The following ATG2B variants were observed in gnomAD, a reference collection of about 807,000 sequenced individuals.
ATG2B encodes the protein autophagy related 2B, also known as autophagy-related protein 2 homolog B.
Under a neutral mutation model 241.3 loss-of-function variants are expected in ATG2B, and 121 were observed. The ratio of observed to expected loss-of-function variants is 0.50; its 90% CI spans 0.43 to 0.58. The LOEUF (loss-of-function observed/expected upper bound fraction) is 0.58, where lower values mean the gene tolerates loss of function less well. Among genes scored for constraint, ATG2B ranks in the 20% least tolerant of loss-of-function variants. The probability of loss-of-function intolerance (pLI) is 0.00; values close to 1 mark genes in which losing one functional copy is unlikely to be tolerated. For missense variants in ATG2B, 2,306 were observed against 2,491.6 expected (o/e 0.93, Z 1.59); for synonymous variants, 858 against 876.6 (o/e 0.98, Z 0.37).
chr14:96,314,743 C>T (rs1435576420), intron 23 of ATG2B, among the ~76,000 whole-genome samples: 2 of 152,194 alleles, frequency 1.3e-5, no homozygotes, highest in Non-Finnish European at 2.9e-5. Flanking sequence ...CTCTTGTCGC[C>T]AGACTGGAGT....
At chr14:96,359,401 C>A (rs913797996) in intron 1 of ATG2B, among the ~76,000 whole-genome samples, 4 of 151,982 alleles carry the variant, frequency 2.6e-5, no homozygotes, top group Non-Finnish European at 5.9e-5. Flanking sequence ...AATAAAAGGC[C>A]TCAGTGTAAT....
intron 1 of ATG2B, 137 bp from the exon 2 acceptor site, chr14:96,347,478 C>T (rs1428637114): frequency 8.6e-6 from 5 of 580,156 alleles, no homozygotes; most frequent in African/African-American, 1.8e-5. Context: ...CAAGTACAGG[C>T]AATCAAAGCA....
intron 21 of ATG2B, among the ~76,000 whole-genome samples, chr14:96,315,941 A>G (rs1887298554): frequency 1.3e-5 from 2 of 152,376 alleles, no homozygotes; most frequent in South Asian, 4.1e-4. Flanking sequence ...TAAAGAACAT[A>G]TAGTCCCATC....
In ATG2B at chr14:96,332,214, G is replaced by GA. The variant is rs67341952; in HGVS notation, c.1468+90dup. ...TGAACTTTGTAAATGGCCAAGACCA[G>GA]AAAAAAAAAAAAAAGAAAGAAAAGC... is the stretch of plus-strand genomic sequence containing the variant. On this transcript the variant is annotated intron_variant, in intron 10 of 41. Coordinates refer to ENST00000359933, the MANE Select transcript of ATG2B (RefSeq NM_018036.7). 142,911 of 791,008 alleles carry GA rather than the reference G, an allele frequency of 0.18. 201 individuals are homozygous for GA. Among genetic ancestry groups the GA allele is most frequent in the East Asian group, 0.2 (6,416 of 31,656 alleles). 49.0% of individuals were successfully genotyped at this position (791,008 alleles called of 1,614,324 possible).
At chr14:96,308,195 T>A in intron 29 of ATG2B, among the ~76,000 whole-genome samples, 1 of 134,340 alleles carries the variant, frequency 7.4e-6, no homozygotes, top group African/African-American at 2.8e-5. Flanking sequence ...TAAATATATA[T>A]ATACATATAT....
rs942522974 is a variant in ATG2B at position 96,281,991 on chromosome 14, C to T, written c.*3764G>A. 6.6e-6 allele frequency: 1 copy of T among 152,192 alleles called. No individual in the cohort carries two copies. The highest frequency in any genetic ancestry group is 6.5e-5 in the Admixed American group (1 of 15,288). The allele number at this position is 152,192 out of a possible 1,614,324, so 9.4% of individuals were successfully genotyped here. ...GGGGGGAAATACTTCTGAATAAAAA[C>T]ATTGGCTGACTTGCAACTGTGCATA... On this transcript the variant is annotated 3_prime_UTR_variant, in exon 42 of 42. Transcript: ENST00000359933.
At chr14:96,329,388 C>A in intron 12 of ATG2B, 96 bp downstream of exon 12, 1 of 824,630 alleles carries the variant, frequency 1.2e-6, no homozygotes. Context: ...CTATGGCTTT[C>A]TATACATTTT....
intron 1 of ATG2B, among the ~76,000 whole-genome samples, chr14:96,350,242 G>C (rs952831437): frequency 2.0e-5 from 3 of 152,184 alleles, no homozygotes; most frequent in Non-Finnish European, 4.4e-5. Context: ...AGTGTAAAAT[G>C]AGAGGTGGCT....
intron 1 of ATG2B, 52 bp downstream of exon 1, chr14:96,362,763 C>A: frequency 6.5e-7 from 1 of 1,549,622 alleles, no homozygotes; most frequent in South Asian, 1.2e-5. Context: ...TGGTTCAAAG[C>A]GCCCTAAAGA....
In ATG2B at chr14:96,322,462, A is replaced by T. The variant is rs550895242; in HGVS notation, c.2736+78T>A. 2.7e-4 allele frequency: 395 copies of T among 1,446,320 alleles called. 3 individuals carry two copies. In the African/African-American group the frequency reaches 4.0e-3, roughly 15 times the overall value. The allele number at this position is 1,446,320 out of a possible 1,614,324, so 89.6% of individuals were successfully genotyped here. ...AAAACAGTACACAAGGCATTTTTTT[A>T]AAAATAAAAAATCAAAAGCATTGCT... On this transcript the variant is annotated intron_variant, in intron 17 of 41. Transcript: ENST00000359933.
At chr14:96,361,937 G>A (rs1193691665) in intron 1 of ATG2B, among the ~76,000 whole-genome samples, 1 of 152,134 alleles carries the variant, frequency 6.6e-6, no homozygotes, top group Non-Finnish European at 1.5e-5. Context: ...TAAGGGTTGG[G>A]CAAAGGGTAG....
chr14:96,357,937 T>C (rs978886159), intron 1 of ATG2B, among the ~76,000 whole-genome samples: 1 of 152,196 alleles, frequency 6.6e-6, no homozygotes, highest in Admixed American at 6.6e-5. Context: ...AAATGAACTA[T>C]TAAAAACCTA....
chr14:96,342,474 C>T (rs1888063623), intron 5 of ATG2B, among the ~76,000 whole-genome samples: 1 of 152,100 alleles, frequency 6.6e-6, no homozygotes, highest in South Asian at 2.1e-4. Context: ...GTAATCTCAG[C>T]ACTTTGGGAG....
chr14:96,302,647 T>A (rs1886824419), intron 33 of ATG2B, among the ~76,000 whole-genome samples: 1 of 152,184 alleles, frequency 6.6e-6, no homozygotes, highest in African/African-American at 2.4e-5. Context: ...AATGTTGTAC[T>A]TAGTAACAGT....
At chr14:96,312,841 GA>G (rs1887197898) in intron 25 of ATG2B, among the ~76,000 whole-genome samples, 1 of 152,174 alleles carries the variant, frequency 6.6e-6, no homozygotes, top group South Asian at 2.1e-4. Context: ...ACTTTTTAAA[GA>G]ATCTCCAGAA....
At chr14:96,336,924 GC>G (rs1887883003) in intron 6 of ATG2B, among the ~76,000 whole-genome samples, 1 of 152,170 alleles carries the variant, frequency 6.6e-6, no homozygotes, top group East Asian at 1.9e-4. Flanking sequence ...AACAGAAGGG[GC>G]CTGAGTAATC....
Position 96,295,099 on chromosome 14 carries a change from T to G in ATG2B, c.5287A>C (p.Asn1763His). The G allele has an allele frequency of 6.2e-7, 1 of 1,614,196 alleles. No homozygotes were observed. The highest frequency in any genetic ancestry group is 8.5e-7 in the Non-Finnish European group (1 of 1,180,040). Residue 1763 changes from asparagine (N) to histidine (H), a missense_variant, in exon 36 of 42, where the codon AAT becomes CAT. Physicochemically the swap from Asn to His is moderately conservative, Grantham distance 68 (BLOSUM62 1). Coordinates refer to ENST00000359933, the MANE Select transcript of ATG2B (RefSeq NM_018036.7). ...PRHLSTSKEP[N>H]LVISFSGPKQ... is the part of the protein sequence containing the mutation. The stretch of plus-strand genomic sequence containing the variant: ...GGCCCAGAGAAAGAAATAACCAGAT[T>G]TGGCTCCTTTGAGGTACTCAAATGC...
chr14:96,317,965 C>A (rs1887360779), intron 18 of ATG2B, 110 bp from the exon 19 acceptor site: 3 of 748,784 alleles, frequency 4.0e-6, no homozygotes, highest in South Asian at 3.0e-5. Context: ...TTTTAAACGG[C>A]AAAATGGAAA....
chr14:96,336,899 A>G (rs1398255347), intron 6 of ATG2B, among the ~76,000 whole-genome samples: 5 of 152,340 alleles, frequency 3.3e-5, no homozygotes, highest in African/African-American at 1.2e-4. Flanking sequence ...CCATCTGAAG[A>G]AGGACAGAGC....
Sources: gnomAD v4.1 joint callset for allele counts (sites outside exome capture counted in the v4.1 genomes callset) on GRCh38, gnomAD v4.1.1 for gene constraint, MANE v1.5 for transcripts, NCBI Gene and HGNC (gene_info 2026-07-23, HGNC 2026-07-21) for gene names.